Variants in IL1RAPL1 observed in about 807,000 individuals in gnomAD.
IL1RAPL1 encodes interleukin 1 receptor accessory protein like 1.
IL1RAPL1 carries 3 observed loss-of-function variants against 48.4 expected under a neutral mutation model. The observed-to-expected ratio is 0.06, with a 90% CI of 0.03 to 0.16. The LOEUF (loss-of-function observed/expected upper bound fraction) is 0.16, where lower values mean the gene tolerates loss of function less well. IL1RAPL1 is among the 10% of genes least tolerant of loss of function. IL1RAPL1 has a pLI of 1.00. For synonymous variants in IL1RAPL1, 185 were observed against 187.7 expected (o/e 0.99, Z 0.12); for missense variants, 349 against 530.6 (o/e 0.66, Z 3.36).
chrX:29,932,996 T>C (rs1158425882), intron 8 of IL1RAPL1, among the ~76,000 whole-genome samples: 1 of 112,071 alleles, frequency 8.9e-6, no homozygotes, highest in Non-Finnish European at 1.9e-5. Context: ...ACATGATTGA[T>C]TTCCAAATGT....
In IL1RAPL1 at chrX:29,782,887, C is replaced by CTTTTTTT. The variant is rs1569167260; in HGVS notation, c.778+114383_778+114384insTTTTTTT. Among the ~76,000 whole-genome samples, 8 of 59,852 alleles carry CTTTTTTT rather than the reference C, an allele frequency of 1.3e-4. 1 individual carries two copies. Among genetic ancestry groups the CTTTTTTT allele is most frequent in the African/African-American group, 3.2e-4 (5 of 15,466 alleles). The allele number at this position is 59,852 out of a possible 115,157, so 52.0% of individuals were successfully genotyped here. ...GGAAGATAAAATGGGTTGATCGTGA[C>CTTTTTTT]ATTTTTTTTTTTTTTTTTTTTTTTT... is the stretch of plus-strand genomic sequence containing the variant. On this transcript the variant is annotated intron_variant, in intron 6 of 10. Coordinates refer to ENST00000378993, the MANE Select transcript of IL1RAPL1 (RefSeq NM_014271.4).
chrX:29,841,434 A>T (rs6526933), intron 6 of IL1RAPL1, among the ~76,000 whole-genome samples: 4,890 of 111,389 alleles, frequency 0.044, 253 homozygotes, highest in African/African-American at 0.15. Flanking sequence ...TCTTCATTTT[A>T]AAAAAGCTGA....
chrX:28,600,346 A>G (rs1569135914), intron 1 of IL1RAPL1, among the ~76,000 whole-genome samples: 1 of 111,526 alleles, frequency 9.0e-6, no homozygotes, highest in Non-Finnish European at 1.9e-5. Context: ...GTAAGTTACC[A>G]GGCCACAAAT....
At chrX:29,039,590 T>C (rs1457294055) in intron 2 of IL1RAPL1, among the ~76,000 whole-genome samples, 1 of 110,582 alleles carries the variant, frequency 9.0e-6, no homozygotes, top group Non-Finnish European at 1.9e-5. Flanking sequence ...AGCAGCTCAC[T>C]TCAGCCTGTT....
intron 2 of IL1RAPL1, among the ~76,000 whole-genome samples, chrX:29,202,999 G>A (rs1930586517): frequency 9.0e-6 from 1 of 111,448 alleles, no homozygotes; most frequent in Non-Finnish European, 1.9e-5. Flanking sequence ...ATCCACCCCT[G>A]AAGCTAGAAT....
At chrX:29,761,637 T>C (rs1167435635) in intron 6 of IL1RAPL1, among the ~76,000 whole-genome samples, 3 of 112,117 alleles carry the variant, frequency 2.7e-5, no homozygotes, top group Non-Finnish European at 5.6e-5. Context: ...AAATCACTAA[T>C]GTATGTGAAA....
intron 5 of IL1RAPL1, among the ~76,000 whole-genome samples, chrX:29,590,145 A>G (rs1399287022): frequency 2.7e-5 from 3 of 111,014 alleles, no homozygotes; most frequent in African/African-American, 9.8e-5. Flanking sequence ...CTAACTCACT[A>G]TCGCAAGGAC....
chrX:28,677,995 A>G (rs2146918020), intron 1 of IL1RAPL1, among the ~76,000 whole-genome samples: 1 of 110,744 alleles, frequency 9.0e-6, no homozygotes, highest in African/African-American at 3.3e-5. Context: ...TGTTATCTGT[A>G]ACTATCTCAA....
intron 1 of IL1RAPL1, among the ~76,000 whole-genome samples, chrX:28,680,125 TTTTATTTTCC>T (rs1369093828): frequency 8.9e-5 from 10 of 111,753 alleles, no homozygotes. Flanking sequence ...CTGTATTTTC[TTTTATTTTCC>T]TAATCAATGT....
At chrX:29,803,407 G>GTATACATGTATACACATATGTA in intron 6 of IL1RAPL1, among the ~76,000 whole-genome samples, 1 of 81,048 alleles carries the variant, frequency 1.2e-5, no homozygotes. Context: ...GTATATATGT[G>GTATACATGTATACACATATGTA]TATATGTGTA....
intron 8 of IL1RAPL1, among the ~76,000 whole-genome samples, chrX:29,921,851 C>T (rs189429750): frequency 1.4e-3 from 152 of 112,202 alleles, no homozygotes; most frequent in Admixed American, 2.6e-3. Flanking sequence ...TGACAGTCAC[C>T]ATGAGTCTCT....
intron 6 of IL1RAPL1, among the ~76,000 whole-genome samples, chrX:29,722,971 T>C (rs1927673861): frequency 8.9e-6 from 1 of 112,359 alleles, no homozygotes; most frequent in African/African-American, 3.2e-5. Context: ...AGTTTATTCT[T>C]ATGCATTTTA....
intron 6 of IL1RAPL1, among the ~76,000 whole-genome samples, chrX:29,868,967 CCTCT>C (rs1188224030): frequency 8.9e-6 from 1 of 111,837 alleles, no homozygotes; most frequent in African/African-American, 3.2e-5. Context: ...TGGACTACGT[CCTCT>C]CTATTTCCTC....
At chrX:28,713,747 C>A (rs1337861895) in intron 1 of IL1RAPL1, among the ~76,000 whole-genome samples, 1 of 111,349 alleles carries the variant, frequency 9.0e-6, no homozygotes, top group African/African-American at 3.3e-5. Context: ...ACCTGGAGGA[C>A]AATTGACATA....
intron 5 of IL1RAPL1, among the ~76,000 whole-genome samples, chrX:29,610,041 G>A (rs4829239): frequency 0.46 from 50,499 of 110,799 alleles, 9,996 homozygotes; most frequent in African/African-American, 0.77. Context: ...ATGAGGGGGA[G>A]TGGGTCTGAT....
chrX:29,114,350 G>A (rs1026006732), intron 2 of IL1RAPL1, among the ~76,000 whole-genome samples: 1 of 111,913 alleles, frequency 8.9e-6, no homozygotes, highest in African/African-American at 3.2e-5. Context: ...GATAAATTCT[G>A]TGTTTCAAAA....
At chrX:28,711,949 A>G (rs916777128) in intron 1 of IL1RAPL1, among the ~76,000 whole-genome samples, 1 of 110,871 alleles carries the variant, frequency 9.0e-6, no homozygotes, top group African/African-American at 3.3e-5. Flanking sequence ...ATGGATATTG[A>G]TGTTCTTATA....
intron 5 of IL1RAPL1, among the ~76,000 whole-genome samples, chrX:29,509,392 T>A (rs1935369820): frequency 8.9e-6 from 1 of 112,264 alleles, no homozygotes; most frequent in Admixed American, 9.4e-5. Flanking sequence ...TAGATTAGTG[T>A]TTGGTTGAAT....
intron 2 of IL1RAPL1, among the ~76,000 whole-genome samples, chrX:28,821,216 A>G (rs1294895457): frequency 1.8e-5 from 2 of 112,170 alleles, no homozygotes; most frequent in Admixed American, 9.5e-5. Flanking sequence ...TTTAATTAAT[A>G]CATGCACATG....
Sources: allele counts gnomAD v4.1 joint callset (sites outside exome capture counted in the v4.1 genomes callset), GRCh38; gene constraint gnomAD v4.1.1; transcripts MANE v1.5; gene names NCBI Gene and HGNC (gene_info 2026-07-23, HGNC 2026-07-21).